Variants in ASAP3 observed in about 807,000 individuals in gnomAD.
ASAP3 encodes the protein ArfGAP with SH3 domain, ankyrin repeat and PH domain 3, also known as arf-GAP with SH3 domain, ANK repeat and PH domain-containing protein 3.
ASAP3 carries 85 observed loss-of-function variants against 118.2 expected under a neutral mutation model. That is an observed-to-expected ratio of 0.72 (90% confidence interval 0.60 to 0.86). The LOEUF (loss-of-function observed/expected upper bound fraction) is 0.86. ASAP3 is among the 40% of genes least tolerant of loss of function. The pLI, the probability that ASAP3 is intolerant of heterozygous loss-of-function variation, is 0.00. For synonymous variants in ASAP3, 432 were observed against 477.4 expected (o/e 0.90, Z 1.24); for missense variants, 1,026 against 1,175.0 (o/e 0.87, Z 1.85).
intron 1 of ASAP3, among the ~76,000 whole-genome samples, chr1:23,467,360 G>T (rs566658680): frequency 6.6e-6 from 1 of 151,830 alleles, no homozygotes; most frequent in Admixed American, 6.6e-5. Context: ...GAGCCACCAC[G>T]CCTGGCCCAT....
intron 19 of ASAP3, 51 bp downstream of exon 19, chr1:23,434,203 T>A: frequency 6.4e-7 from 1 of 1,565,844 alleles, no homozygotes; most frequent in Non-Finnish European, 8.8e-7. Context: ...GAAGTCCACA[T>A]AAGGGGTAGT....
chr1:23,436,648 A>G lies in ASAP3; in HGVS notation c.1483T>C (p.Leu495=), dbSNP rs1311856228. The change falls in exon 16 of 25, where the codon TTG becomes CTG. Residue 495 remains leucine, a synonymous_variant. Coordinates refer to ENST00000336689, the MANE Select transcript of ASAP3 (RefSeq NM_017707.4). This position sits in a 1 kb window ranked among gnomAD's most constrained non-coding sequence, Gnocchi z 4.2. ...LLGPSELLLA[L]NMGNTSFNEV... ...TTGAAGCTCGTGTTTCCCATGTTCA[A>G]GGCCAGCTGGAGTCGTAGGAAAATA... The G allele has an allele frequency of 1.2e-6, 2 of 1,614,202 alleles. No individual in the cohort carries two copies. Among genetic ancestry groups the G allele is most frequent in the Non-Finnish European group, 1.7e-6 (2 of 1,180,036 alleles).
chr1:23,433,591 A>G (rs776102814), intron 20 of ASAP3, 35 bp downstream of exon 20: 1 of 1,614,182 alleles, frequency 6.2e-7, no homozygotes, highest in East Asian at 2.2e-5. Flanking sequence ...GGAGAGAGAA[A>G]GAGTCAGGGG....
At chr1:23,435,078 A>T (rs566016802) in intron 17 of ASAP3, among the ~76,000 whole-genome samples, 1 of 152,236 alleles carries the variant, frequency 6.6e-6, no homozygotes, top group Non-Finnish European at 1.5e-5. Context: ...CCCAAGCTGG[A>T]GAGCAGTGGC....
At chr1:23,431,251 C>G (rs1640421842) in intron 23 of ASAP3, 126 bp from the exon 24 acceptor site, 5 of 921,180 alleles carry the variant, frequency 5.4e-6, no homozygotes, top group Non-Finnish European at 8.3e-6. Flanking sequence ...ACAAGGCCCC[C>G]AGGCCAGGTC....
intron 3 of ASAP3, among the ~76,000 whole-genome samples, chr1:23,454,010 A>G (rs1416591293): frequency 6.6e-6 from 1 of 152,048 alleles, no homozygotes; most frequent in Non-Finnish European, 1.5e-5. Flanking sequence ...CACTAATTCA[A>G]TTGAACTCAA....
chr1:23,439,321 A>G, intron 10 of ASAP3, 91 bp from the exon 11 acceptor site: 1 of 1,156,650 alleles, frequency 8.6e-7, no homozygotes, highest in Non-Finnish European at 1.3e-6. Flanking sequence ...CACCTGTATG[A>G]TCTCTAGCCA....
At chr1:23,442,126 G>C in intron 7 of ASAP3, 60 bp downstream of exon 7, 1 of 1,518,630 alleles carries the variant, frequency 6.6e-7, no homozygotes, top group Non-Finnish European at 9.0e-7. Flanking sequence ...CACACCTTGA[G>C]AGGGGCCTTG....
upstream of ASAP3, chr1:23,484,233 C>T: frequency 8.8e-7 from 1 of 1,132,350 alleles, no homozygotes; most frequent in Non-Finnish European, 1.1e-6. Flanking sequence ...CCGTCCCGGC[C>T]TCCACACGCC....
rs10917384 is a variant in ASAP3, at chr1:23,471,819, C to G, written c.129+12186G>C. 7.9e-5 allele frequency among the ~76,000 whole-genome samples: 12 copies of G among 152,180 alleles called. No homozygotes were observed. The East Asian group carries it at 2.3e-3, about 29-fold the overall frequency. On this transcript the variant is annotated intron_variant, in intron 1 of 24. Transcript: ENST00000336689. ...GTAGCTATTCCTGCCCAGCAGACAC[C>G]TTCTCTGTATCCAAATAACTGGACA...
intron 22 of ASAP3, among the ~76,000 whole-genome samples, chr1:23,432,851 T>A (rs1444257318): frequency 1.3e-5 from 2 of 152,220 alleles, no homozygotes; most frequent in African/African-American, 4.8e-5. Flanking sequence ...TGGAATAAGA[T>A]GGGCTGAGAT....
rs1168932160 is a variant in ASAP3 at position 23,434,337 on chromosome 1, T to C, written c.1868A>G (p.Asn623Ser). The C allele has an allele frequency of 6.8e-6, 11 of 1,614,012 alleles. No individual in the cohort carries two copies. The South Asian group carries it at 1.2e-4, about 18-fold the overall frequency. Residue 623 changes from asparagine to serine, a missense_variant, in exon 19 of 25, where the codon AAC (asparagine) becomes AGC (serine). Transcript: ENST00000336689. ...GHLDAKAADG[N>S]TALHYAALYN... is the part of the protein sequence containing the mutation. ...GAGTGCTGCGTAGTGCAGAGCCGTG[T>C]TCCCGTCAGCAGCCTTGGCATCCAG...
At chr1:23,473,095 T>C (rs903465314) in intron 1 of ASAP3, among the ~76,000 whole-genome samples, 2 of 152,156 alleles carry the variant, frequency 1.3e-5, no homozygotes, top group African/African-American at 4.8e-5. Context: ...CCTCAGAGCC[T>C]GCCTTTGTAC....
At chr1:23,451,996 G>T (rs1641230886) in intron 4 of ASAP3, among the ~76,000 whole-genome samples, 1 of 152,236 alleles carries the variant, frequency 6.6e-6, no homozygotes, top group Admixed American at 6.5e-5. Flanking sequence ...CAGAGAGGTT[G>T]AGAAGTCTAC....
In ASAP3 at chr1:23,434,549, A is replaced by T; in HGVS notation, c.1819T>A (p.Phe607Ile). 1 of 1,614,084 alleles carries T rather than the reference A, an allele frequency of 6.2e-7. No individual in the cohort carries two copies. Among genetic ancestry groups the T allele is most frequent in the South Asian group, 1.1e-5 (1 of 91,074 alleles). The change falls in exon 18 of 25, where the codon TTC becomes ATC. Residue 607 changes from phenylalanine (F) to isoleucine (I), a missense_variant. Phe to Ile is a conservative substitution (Grantham distance 21). Coordinates refer to ENST00000336689, the MANE Select transcript of ASAP3 (RefSeq NM_017707.4). ...GGCTCTCACCCGTTCTGGATGATGA[A>T]ATCCACCAGAGGCAGGGAAGCCTGG... ...ANQASLPLVD[F>I]IIQNGGHLDA...
intron 10 of ASAP3, among the ~76,000 whole-genome samples, chr1:23,440,787 C>T (rs187917519): frequency 2.8e-5 from 4 of 144,564 alleles, no homozygotes; most frequent in Non-Finnish European, 4.5e-5. Flanking sequence ...ACCCGGAAGG[C>T]GGAGCTTACA....
At chr1:23,434,926 A>G (rs1640583868) in intron 17 of ASAP3, among the ~76,000 whole-genome samples, 1 of 151,992 alleles carries the variant, frequency 6.6e-6, no homozygotes, top group African/African-American at 2.4e-5. Context: ...CACATTTTCA[A>G]CTATCACACA....
intron 5 of ASAP3, among the ~76,000 whole-genome samples, chr1:23,444,435 G>A (rs997826257): frequency 1.3e-5 from 2 of 152,228 alleles, no homozygotes; most frequent in Admixed American, 1.3e-4. Flanking sequence ...TCAAGTGGGG[G>A]CCAGCCCTGA....
chr1:23,448,009 C>G (rs1362181078), intron 5 of ASAP3, among the ~76,000 whole-genome samples: 1 of 152,206 alleles, frequency 6.6e-6, no homozygotes, highest in Non-Finnish European at 1.5e-5. Flanking sequence ...TAACAAGTCC[C>G]ATTCCTTCCC....
Sources: allele counts gnomAD v4.1 joint callset (sites outside exome capture counted in the v4.1 genomes callset), GRCh38; gene constraint gnomAD v4.1.1; non-coding constraint Gnocchi (gnomAD v3.1); transcripts MANE v1.5; gene names NCBI Gene and HGNC (gene_info 2026-07-23, HGNC 2026-07-21).